Variants in CLSTN2 observed in about 807,000 individuals in gnomAD.
CLSTN2 encodes the protein calsyntenin 2, also known as calsyntenin-2.
Under a neutral mutation model 101.2 loss-of-function variants are expected in CLSTN2, and 48 were observed. The ratio of observed to expected loss-of-function variants is 0.47; its 90% CI spans 0.38 to 0.60. CLSTN2 has a LOEUF of 0.60. Ranked by LOEUF, CLSTN2 falls within the 20% of genes least tolerant of loss-of-function variation. CLSTN2 has a pLI of 0.00. For synonymous variants in CLSTN2, 481 were observed against 463.6 expected, an observed-to-expected ratio of 1.04 and a Z score of -0.48; for missense variants, 1,160 against 1,238.2, an observed-to-expected ratio of 0.94 and a Z score of 0.95.
chr3:139,936,363 AAC>A (rs1011791232), intron 1 of CLSTN2, among the ~76,000 whole-genome samples: 1 of 152,076 alleles, frequency 6.6e-6, no homozygotes, highest in Admixed American at 6.6e-5. Flanking sequence ...GCTGGTGGGG[AAC>A]AGTGGTGGGC....
intron 16 of CLSTN2, among the ~76,000 whole-genome samples, chr3:140,564,972 C>T (rs1337117388): frequency 6.6e-6 from 1 of 152,196 alleles, no homozygotes; most frequent in Non-Finnish European, 1.5e-5. Context: ...CCTCGGCTAG[C>T]CTCACACTCC....
At chr3:140,314,289 G>T (rs557042425) in intron 2 of CLSTN2, among the ~76,000 whole-genome samples, 1 of 152,322 alleles carries the variant, frequency 6.6e-6, no homozygotes, top group Admixed American at 6.5e-5. Flanking sequence ...GCCTCCTGAC[G>T]TGTTGCCTCC....
intron 8 of CLSTN2, among the ~76,000 whole-genome samples, chr3:140,480,938 C>T (rs181189062): frequency 0.033 from 4,963 of 152,194 alleles, 267 homozygotes; most frequent in African/African-American, 0.11. Context: ...TGTGCAGAAG[C>T]TCTTTAGTTT....
intron 1 of CLSTN2, among the ~76,000 whole-genome samples, chr3:140,123,341 AT>A (rs2009375507): frequency 6.6e-6 from 1 of 151,994 alleles, no homozygotes. Context: ...ACACTGTTGC[AT>A]TTGAGATTAA....
intron 1 of CLSTN2, among the ~76,000 whole-genome samples, chr3:140,048,032 T>C (rs1257739673): frequency 2.0e-5 from 3 of 152,024 alleles, no homozygotes; most frequent in African/African-American, 7.3e-5. Context: ...ATATGAAATA[T>C]TAAAAAATGA....
At chr3:140,386,656 T>C (rs951947673) in intron 2 of CLSTN2, among the ~76,000 whole-genome samples, 1 of 152,138 alleles carries the variant, frequency 6.6e-6, no homozygotes, top group South Asian at 2.1e-4. Context: ...TGCTGTGCTG[T>C]GCTGAGCCAT....
chr3:140,225,558 C>T lies in CLSTN2; in HGVS notation c.232+49485C>T, dbSNP rs537602708. Among the ~76,000 whole-genome samples the T allele has an allele frequency of 4.6e-5, 7 of 152,178 alleles. No individual in the cohort carries two copies. The South Asian group carries it at 8.3e-4, about 18-fold the overall frequency. On this transcript the variant is annotated intron_variant, in intron 2 of 16. Transcript: ENST00000458420. ...TGTCGCCCAGGCTGGAGTACAGTGGCGCGATATCGGCTCACTGCAACCTCC... is the reference window on the plus strand; with the variant it reads ...TGTCGCCCAGGCTGGAGTACAGTGGTGCGATATCGGCTCACTGCAACCTCC...
At chr3:140,392,850 T>A (rs2088132555) in intron 2 of CLSTN2, among the ~76,000 whole-genome samples, 1 of 151,032 alleles carries the variant, frequency 6.6e-6, no homozygotes, top group South Asian at 2.1e-4. Context: ...AAGAACTTAT[T>A]TTTTTTTTAC....
intron 2 of CLSTN2, among the ~76,000 whole-genome samples, chr3:140,228,031 G>A (rs2086338687): frequency 6.6e-6 from 1 of 152,116 alleles, no homozygotes; most frequent in South Asian, 2.1e-4. Flanking sequence ...CTTGTCTTGG[G>A]GATTAACATT....
At chr3:140,494,627 C>G (rs939669201) in intron 8 of CLSTN2, among the ~76,000 whole-genome samples, 1 of 152,172 alleles carries the variant, frequency 6.6e-6, no homozygotes, top group South Asian at 2.1e-4. Context: ...TACCTCACCC[C>G]CAACAGGTCC....
intron 2 of CLSTN2, among the ~76,000 whole-genome samples, chr3:140,274,764 G>A (rs1034532989): frequency 1.3e-5 from 2 of 152,332 alleles, no homozygotes; most frequent in Non-Finnish European, 1.5e-5. Flanking sequence ...GCTGTCAAGG[G>A]TAAAGGCATC....
Position 139,997,812 on chromosome 3 carries a change from A to T in CLSTN2, c.109+62329A>T, listed in dbSNP as rs183503263. ...AATTTGTAGAGCCTCTTGAAAAAAA[A>T]TTTTTTTTGAATGGAGTTGCATCAG... On this transcript the variant is annotated intron_variant, in intron 1 of 16. Transcript: ENST00000458420. Among the ~76,000 whole-genome samples the T allele has an allele frequency of 3.1e-3, 477 of 152,162 alleles. 1 individual carries two copies. Among genetic ancestry groups the T allele is most frequent in the African/African-American group, 0.011 (457 of 41,520 alleles).
intron 2 of CLSTN2, among the ~76,000 whole-genome samples, chr3:140,201,630 TAA>T (rs1219329505): frequency 6.6e-6 from 1 of 152,160 alleles, no homozygotes; most frequent in East Asian, 1.9e-4. Context: ...TTATTTATTT[TAA>T]AAATATTTAT....
intron 11 of CLSTN2, among the ~76,000 whole-genome samples, chr3:140,557,664 A>C (rs1327789295): frequency 6.6e-6 from 1 of 152,210 alleles, no homozygotes; most frequent in Admixed American, 6.5e-5. Flanking sequence ...GGAGTAGCTC[A>C]GCATGGAATC....
At chr3:140,239,601 T>TC (rs2086443189) in intron 2 of CLSTN2, among the ~76,000 whole-genome samples, 1 of 152,170 alleles carries the variant, frequency 6.6e-6, no homozygotes, top group South Asian at 2.1e-4. Context: ...TTCAGAATTG[T>TC]CCAAGTTTTT....
intron 1 of CLSTN2, among the ~76,000 whole-genome samples, chr3:140,050,197 A>G (rs186906076): frequency 6.6e-5 from 10 of 152,318 alleles, no homozygotes; most frequent in Admixed American, 5.9e-4. Flanking sequence ...AAATCCACAA[A>G]GCTTTTTGAG....
chr3:140,538,425 A>C (rs149248506), intron 9 of CLSTN2, among the ~76,000 whole-genome samples: 4 of 152,304 alleles, frequency 2.6e-5, no homozygotes, highest in African/African-American at 9.6e-5. Context: ...GCTTTTGGGA[A>C]AAGCCAAGGG....
At chr3:140,510,498 C>T (rs976021943) in intron 8 of CLSTN2, among the ~76,000 whole-genome samples, 15 of 152,310 alleles carry the variant, frequency 9.8e-5, no homozygotes, top group South Asian at 2.1e-4. Context: ...TTTCCATGCT[C>T]GAAGCACAAA....
At chr3:140,081,941 A>G (rs542212961) in intron 1 of CLSTN2, among the ~76,000 whole-genome samples, 1 of 152,288 alleles carries the variant, frequency 6.6e-6, no homozygotes, top group Non-Finnish European at 1.5e-5. Flanking sequence ...TGGCTGATTC[A>G]TTTAACTAAC....
Sources: allele counts gnomAD v4.1 joint callset (sites outside exome capture counted in the v4.1 genomes callset), GRCh38; gene constraint gnomAD v4.1.1; transcripts MANE v1.5; gene names NCBI Gene and HGNC (gene_info 2026-07-23, HGNC 2026-07-21).